RAB7A: variants seen among roughly 807,000 people sequenced by gnomAD.
RAB7A encodes RAB7A, member RAS oncogene family.
A neutral mutation model predicts 24.5 loss-of-function variants in RAB7A; 2 were observed. The observed-to-expected ratio is 0.08, with a 90% CI of 0.03 to 0.26. RAB7A has a LOEUF of 0.26. Ranked by LOEUF, RAB7A falls within the 10% of genes least tolerant of loss-of-function variation. RAB7A has a pLI of 1.00. For synonymous variants in RAB7A, 100 were observed against 95.9 expected, an observed-to-expected ratio of 1.04 and a Z score of -0.25; for missense variants, 118 against 255.7, an observed-to-expected ratio of 0.46 and a Z score of 3.67.
chr3:128,789,970 T>TTAG (rs1243074355), intron 1 of RAB7A, among the ~76,000 whole-genome samples: 1 of 152,110 alleles, frequency 6.6e-6, no homozygotes, highest in Non-Finnish European at 1.5e-5. Context: ...TTTTGTATTT[T>TTAG]TAGTATAGCT....
At chr3:128,803,582 G>T (rs1426464348) in intron 3 of RAB7A, among the ~76,000 whole-genome samples, 1 of 152,188 alleles carries the variant, frequency 6.6e-6, no homozygotes, top group Non-Finnish European at 1.5e-5. Context: ...CTTATCTCTG[G>T]ACATTATGAG....
chr3:128,807,523 C>T lies in RAB7A; in HGVS notation c.400-20C>T, dbSNP rs1439893467. 9 of 1,613,562 alleles carry T rather than the reference C, an allele frequency of 5.6e-6. No individual in the cohort carries two copies. Among genetic ancestry groups the T allele is most frequent in the South Asian group, 2.2e-5 (2 of 91,060 alleles). On this transcript the variant is annotated intron_variant, in intron 4 of 5. Coordinates refer to ENST00000265062, the MANE Select transcript of RAB7A (RefSeq NM_004637.6). ...GCTGCTTCTGTCATGAGCCTATGTG[C>T]ACCCTGCTTCTTCTTTCAGGTGGCC...
intron 1 of RAB7A, among the ~76,000 whole-genome samples, chr3:128,733,836 A>G (rs78993840): frequency 6.6e-6 from 1 of 152,376 alleles, no homozygotes; most frequent in Non-Finnish European, 1.5e-5. Context: ...AGTTCACTTC[A>G]TAAGAGTATC....
chr3:128,747,821 G>A (rs1205084998), intron 1 of RAB7A, among the ~76,000 whole-genome samples: 2 of 151,214 alleles, frequency 1.3e-5, no homozygotes, highest in Non-Finnish European at 2.9e-5. Flanking sequence ...AGGCTAGAGT[G>A]CAGTGGTGTG....
rs776462472 is a variant in RAB7A at position 128,805,319 on chromosome 3, C to A, written c.181-1053C>A. On this transcript the variant is annotated intron_variant, in intron 3 of 5. Transcript: ENST00000265062. ...GGGAGCATTTAGTGCCCTAGCCTGC[C>A]GAGAGGCAGTGGAGTCATTAGAAAT... is the stretch of plus-strand genomic sequence containing the variant. Among the ~76,000 whole-genome samples the A allele has an allele frequency of 2.0e-5, 3 of 152,178 alleles. No individual in the cohort carries two copies. The South Asian group carries it at 6.2e-4, about 32-fold the overall frequency.
chr3:128,811,920 TA>T (rs1381219755), intron 5 of RAB7A, among the ~76,000 whole-genome samples: 1 of 151,956 alleles, frequency 6.6e-6, no homozygotes, highest in Non-Finnish European at 1.5e-5. Context: ...AAATAATGTT[TA>T]AAAATTAAGT....
intron 1 of RAB7A, among the ~76,000 whole-genome samples, chr3:128,775,585 A>G (rs1340829180): frequency 6.6e-6 from 1 of 152,164 alleles, no homozygotes; most frequent in Non-Finnish European, 1.5e-5. Context: ...ATTATTTACT[A>G]CACTTGTTTT....
chr3:128,734,506 G>A (rs925407573), intron 1 of RAB7A, among the ~76,000 whole-genome samples: 1 of 148,008 alleles, frequency 6.8e-6, no homozygotes, highest in African/African-American at 2.5e-5. Context: ...GGAAAACACC[G>A]CTTCAGTCCA....
At chr3:128,762,550 C>G (rs1156518904) in intron 1 of RAB7A, among the ~76,000 whole-genome samples, 1 of 152,128 alleles carries the variant, frequency 6.6e-6, no homozygotes, top group Non-Finnish European at 1.5e-5. Context: ...ACTTAAATCT[C>G]AGTGAGTATT....
chr3:128,756,559 C>G (rs1223849404), intron 1 of RAB7A, among the ~76,000 whole-genome samples: 2 of 152,084 alleles, frequency 1.3e-5, no homozygotes, highest in Non-Finnish European at 2.9e-5. Flanking sequence ...TAAAAACTTA[C>G]TATTGTTAGG....
chr3:128,807,436 C>T, intron 4 of RAB7A, 107 bp from the exon 5 acceptor site: 2 of 1,533,384 alleles, frequency 1.3e-6, no homozygotes, highest in Non-Finnish European at 1.8e-6. Flanking sequence ...TCTGTGTCCT[C>T]ACCTGTACTA....
chr3:128,740,175 C>G (rs2070536551), intron 1 of RAB7A, among the ~76,000 whole-genome samples: 1 of 152,090 alleles, frequency 6.6e-6, no homozygotes, highest in Non-Finnish European at 1.5e-5. Context: ...GTCAGGAGAT[C>G]AAGACCATCC....
intron 1 of RAB7A, among the ~76,000 whole-genome samples, chr3:128,771,030 T>TA (rs531364952): frequency 1.0e-3 from 152 of 151,706 alleles, no homozygotes; most frequent in African/African-American, 1.8e-3. Flanking sequence ...AGTGCAGTGG[T>TA]ACAATCTCAG....
At chr3:128,812,089 A>G (rs1353078886) in intron 5 of RAB7A, among the ~76,000 whole-genome samples, 3 of 152,076 alleles carry the variant, frequency 2.0e-5, no homozygotes, top group African/African-American at 7.2e-5. Flanking sequence ...TGGCTGCCCA[A>G]CTTTCTGAAT....
intron 1 of RAB7A, among the ~76,000 whole-genome samples, chr3:128,748,115 C>T (rs1348301066): frequency 6.6e-6 from 1 of 152,218 alleles, no homozygotes; most frequent in Non-Finnish European, 1.5e-5. Context: ...TAGAGGCCCC[C>T]TACTGGCCCT....
At position 128,787,118 on chromosome 3, in the gene RAB7A, T is replaced by C. The variant is rs566287211; in HGVS notation, c.-8-8242T>C. ...TTCTTTCGTACCTTCCTGAGTTTTC[T>C]ACAATTTGATACCATAGTTAGGGTG... On this transcript the variant is annotated intron_variant, in intron 1 of 5. Coordinates refer to ENST00000265062, the MANE Select transcript of RAB7A (RefSeq NM_004637.6). Among the ~76,000 whole-genome samples, 3 of 152,332 alleles carry C rather than the reference T, an allele frequency of 2.0e-5. No individual in the cohort carries two copies. In the East Asian group the frequency reaches 5.8e-4, roughly 29 times the overall value.
At chr3:128,740,271 CTCTGGAGGCTGAGGCAGGAGAA>C (rs1390758746) in intron 1 of RAB7A, among the ~76,000 whole-genome samples, 20 of 152,016 alleles carry the variant, frequency 1.3e-4, no homozygotes, top group Non-Finnish European at 2.4e-4. Context: ...ATCCCAGCTA[CTCTGGAGGCTGAGGCAGGAGAA>C]TCGCTTGAAC....
At chr3:128,786,064 C>A (rs1286473285) in intron 1 of RAB7A, among the ~76,000 whole-genome samples, 1 of 152,204 alleles carries the variant, frequency 6.6e-6, no homozygotes. Flanking sequence ...TTCTTGCCCC[C>A]TCCCCAGAAT....
Position 128,806,528 on chromosome 3 carries a change from C to A in RAB7A, c.337C>A (p.Arg113=). ...RDEFLIQASP[R]DPENFPFVVL... Reference sequence around the variant, plus strand: ...TGAGTTTCTCATCCAGGCCAGTCCCCGAGATCCTGAAAACTTCCCATTTGT... The same window carrying A: ...TGAGTTTCTCATCCAGGCCAGTCCCAGAGATCCTGAAAACTTCCCATTTGT... The change falls in exon 4 of 6, where the codon CGA becomes AGA. Residue 113 remains arginine, a synonymous_variant. Transcript: ENST00000265062. The A allele has an allele frequency of 6.2e-7, 1 of 1,614,152 alleles. No homozygotes were observed. The highest frequency in any genetic ancestry group is 8.5e-7 in the Non-Finnish European group (1 of 1,180,016).
Sources: gnomAD v4.1 joint callset for allele counts (sites outside exome capture counted in the v4.1 genomes callset) on GRCh38, gnomAD v4.1.1 for gene constraint, MANE v1.5 for transcripts, NCBI Gene and HGNC (gene_info 2026-07-23, HGNC 2026-07-21) for gene names.